Variants in SPTBN1 observed in about 807,000 individuals in gnomAD.
The protein encoded by SPTBN1 is spectrin beta, non-erythrocytic 1, also known as spectrin beta chain, non-erythrocytic 1.
Under a neutral mutation model 266.4 loss-of-function variants are expected in SPTBN1, and 32 were observed. That is an observed-to-expected ratio of 0.12 (90% CI 0.09 to 0.16). SPTBN1 has a LOEUF of 0.16. SPTBN1 is among the 10% of genes least tolerant of loss of function. The pLI is 1.00. For missense variants in SPTBN1, 2,296 were observed against 3,067.1 expected (o/e 0.75, Z 5.94); for synonymous variants, 1,336 against 1,162.2 (o/e 1.15, Z -3.04).
At chr2:54,522,353 G>A (rs1018294031) in intron 1 of SPTBN1, among the ~76,000 whole-genome samples, 1 of 152,020 alleles carries the variant, frequency 6.6e-6, no homozygotes, top group African/African-American at 2.4e-5. Flanking sequence ...CTGTGGGCTG[G>A]GCAAGGTAGG....
chr2:54,478,564 A>G (rs1175827193), intron 1 of SPTBN1, among the ~76,000 whole-genome samples: 2 of 152,180 alleles, frequency 1.3e-5, no homozygotes, highest in African/African-American at 4.8e-5. Flanking sequence ...CAGAGCTCCG[A>G]GAGGCTAGGT....
In SPTBN1 at chr2:54,660,880, A is replaced by G. The variant is rs1001195325; in HGVS notation, c.6420+881A>G. The G allele has an allele frequency of 4.1e-5, 40 of 985,394 alleles. No individual in the cohort carries two copies. In the Middle Eastern group the frequency reaches 2.1e-3, roughly 51 times the overall value. 61.0% of individuals were successfully genotyped at this position (985,394 alleles called of 1,614,324 possible). On this transcript the variant is annotated intron_variant, in intron 32 of 35. Transcript: ENST00000356805. Reference sequence around the variant, plus strand: ...GCGGCAGGTGACAGCCGTTCTCAGCATGTTTTAGAAGCTTGCCTCACAGAC... The same window carrying G: ...GCGGCAGGTGACAGCCGTTCTCAGCGTGTTTTAGAAGCTTGCCTCACAGAC...
chr2:54,532,128 A>G (rs1332309056), intron 2 of SPTBN1, among the ~76,000 whole-genome samples: 2 of 152,124 alleles, frequency 1.3e-5, no homozygotes, highest in Non-Finnish European at 2.9e-5. Flanking sequence ...TCTCTGCTAA[A>G]AATACAAAAA....
chr2:54,604,708 C>A (rs1163705626), intron 3 of SPTBN1, among the ~76,000 whole-genome samples: 1 of 152,068 alleles, frequency 6.6e-6, no homozygotes, highest in African/African-American at 2.4e-5. Context: ...GAAGATGGGC[C>A]TGGGATGGAG....
chr2:54,649,130 C>T lies in SPTBN1; in HGVS notation c.5142C>T (p.Ile1714=), dbSNP rs200566500. 1.9e-5 allele frequency: 31 copies of T among 1,613,224 alleles called. No homozygotes were observed. The East Asian group carries it at 4.0e-4, about 21-fold the overall frequency. ...AGGTGGACGACCTGGAGCAGTGGAT[C>T]GCTGAGAGGGAGGTGGTCGCAGGGT... is the stretch of plus-strand genomic sequence containing the variant. ...NREVDDLEQW[I]AEREVVAGSH... Residue 1714 remains isoleucine, a synonymous_variant, in exon 25 of 36, where the codon ATC becomes ATT. Transcript: ENST00000356805. The surrounding 1 kb of genome is among the most constrained non-coding windows in gnomAD (Gnocchi z 6.7).
intron 2 of SPTBN1, among the ~76,000 whole-genome samples, chr2:54,573,094 T>G (rs1674203211): frequency 6.6e-6 from 1 of 152,202 alleles, no homozygotes; most frequent in Admixed American, 6.5e-5. Flanking sequence ...TCCTGTGAGC[T>G]CATAGTTGTC....
At chr2:54,577,022 A>C (rs952054029) in intron 2 of SPTBN1, among the ~76,000 whole-genome samples, 2 of 152,156 alleles carry the variant, frequency 1.3e-5, no homozygotes, top group Non-Finnish European at 2.9e-5. Context: ...ATGTTGGGGA[A>C]TGGCTAGAAT....
chr2:54,646,516 C>A lies in SPTBN1; in HGVS notation c.4866+41C>A. On this transcript the variant is annotated intron_variant, in intron 23 of 35. Transcript: ENST00000356805. The surrounding 1 kb of genome is among the most constrained non-coding windows in gnomAD (Gnocchi z 4.4). The stretch of plus-strand genomic sequence containing the variant: ...AAGCATCCCTGTCCCAGGAGAGCCT[C>A]AGATTCAAACCCTGGGCACACTTTC... 1.4e-6 allele frequency: 2 copies of A among 1,452,308 alleles called. No homozygotes were observed. Among genetic ancestry groups the A allele is most frequent in the East Asian group, 2.4e-5 (1 of 41,120 alleles). The allele number at this position is 1,452,308 out of a possible 1,614,324, so 90.0% of individuals were successfully genotyped here. A position where few individuals can be genotyped will look rare whatever the true frequency, so the allele number is the denominator to read the frequency against.
chr2:54,550,268 T>C (rs968863474), intron 2 of SPTBN1, among the ~76,000 whole-genome samples: 1 of 152,214 alleles, frequency 6.6e-6, no homozygotes, highest in Non-Finnish European at 1.5e-5. Context: ...CCATGAATTA[T>C]TCAGGGGCTG....
intron 19 of SPTBN1, among the ~76,000 whole-genome samples, chr2:54,643,353 C>T (rs899857087): frequency 6.6e-6 from 1 of 152,172 alleles, no homozygotes; most frequent in Non-Finnish European, 1.5e-5. Flanking sequence ...CTTGATTTAT[C>T]GTAGAACGAA....
intron 1 of SPTBN1, among the ~76,000 whole-genome samples, chr2:54,466,233 A>G (rs978007384): frequency 1.3e-5 from 2 of 152,224 alleles, no homozygotes; most frequent in African/African-American, 2.4e-5. Context: ...GAACATAACT[A>G]TAGATTTTTA....
chr2:54,626,270 A>C lies in SPTBN1; in HGVS notation c.1644+36A>C. 6.3e-7 allele frequency: 1 copy of C among 1,589,262 alleles called. No individual in the cohort carries two copies. The highest frequency in any genetic ancestry group is 8.6e-7 in the Non-Finnish European group (1 of 1,165,774). On this transcript the variant is annotated intron_variant, in intron 12 of 35. Coordinates refer to ENST00000356805, the MANE Select transcript of SPTBN1 (RefSeq NM_003128.3). This position sits in a 1 kb window ranked among gnomAD's most constrained non-coding sequence, Gnocchi z 4.7. The stretch of plus-strand genomic sequence containing the variant: ...ACCGAAAGGAAGGACGACAGAGCTG[A>C]TCCAACCAGGGCTCTCTTTTCTGTG...
chr2:54,614,844 C>G (rs995242149), intron 4 of SPTBN1, among the ~76,000 whole-genome samples: 1 of 151,920 alleles, frequency 6.6e-6, no homozygotes, highest in Non-Finnish European at 1.5e-5. Flanking sequence ...GTGGAAGTCT[C>G]TAAGTTTGCC....
At chr2:54,601,955 T>C (rs1676527276) in intron 3 of SPTBN1, among the ~76,000 whole-genome samples, 1 of 152,144 alleles carries the variant, frequency 6.6e-6, no homozygotes, top group Non-Finnish European at 1.5e-5. Context: ...GGGAACTTGA[T>C]TTTGAACTAC....
chr2:54,606,477 G>T (rs1676845759), intron 3 of SPTBN1, among the ~76,000 whole-genome samples: 1 of 152,168 alleles, frequency 6.6e-6, no homozygotes, highest in Admixed American at 6.5e-5. Context: ...GACAAGAAAT[G>T]AGAAGAAAAG....
At chr2:54,650,089 G>A in intron 26 of SPTBN1, 100 bp downstream of exon 26, 1 of 1,451,904 alleles carries the variant, frequency 6.9e-7, no homozygotes, top group South Asian at 1.4e-5. Flanking sequence ...CTCTTCAAAA[G>A]AATTGCCCCA....
At chr2:54,550,400 C>T (rs1036791596) in intron 2 of SPTBN1, among the ~76,000 whole-genome samples, 1 of 152,202 alleles carries the variant, frequency 6.6e-6, no homozygotes, top group East Asian at 1.9e-4. Flanking sequence ...AAATATTTCA[C>T]ATTTTAACAC....
intron 2 of SPTBN1, among the ~76,000 whole-genome samples, chr2:54,575,496 G>A (rs1674397295): frequency 6.6e-6 from 1 of 152,240 alleles, no homozygotes; most frequent in Non-Finnish European, 1.5e-5. Context: ...CAAAACTGAC[G>A]TCCACCCACT....
intron 2 of SPTBN1, among the ~76,000 whole-genome samples, chr2:54,577,633 G>A (rs1409015598): frequency 2.0e-5 from 3 of 152,170 alleles, no homozygotes; most frequent in African/African-American, 4.8e-5. Flanking sequence ...GCTCCTCATA[G>A]CGTCCTTGTG....
Sources: gnomAD v4.1 joint callset for allele counts (sites outside exome capture counted in the v4.1 genomes callset) on GRCh38, gnomAD v4.1.1 for gene constraint, Gnocchi (gnomAD v3.1) non-coding constraint, MANE v1.5 for transcripts, NCBI Gene and HGNC (gene_info 2026-07-23, HGNC 2026-07-21) for gene names.